NCOA1: variants seen among roughly 807,000 people sequenced by gnomAD.
NCOA1 encodes nuclear receptor coactivator 1.
A neutral mutation model predicts 150.9 loss-of-function variants in NCOA1; 35 were observed. The ratio of observed to expected loss-of-function variants is 0.23; its 90% confidence interval spans 0.18 to 0.31. The LOEUF is 0.31. Ranked by LOEUF, NCOA1 falls within the 10% of genes least tolerant of loss-of-function variation. NCOA1 has a pLI of 1.00. For missense variants in NCOA1, 1,491 were observed against 1,749.3 expected (o/e 0.85, Z 2.63); for synonymous variants, 590 against 630.0 (o/e 0.94, Z 0.95).
intron 1 of NCOA1, among the ~76,000 whole-genome samples, chr2:24,508,325 A>G (rs986638085): frequency 6.6e-6 from 1 of 152,164 alleles, no homozygotes; most frequent in African/African-American, 2.4e-5. Flanking sequence ...AATAGTCTTC[A>G]GAATAAGACT....
intron 1 of NCOA1, among the ~76,000 whole-genome samples, chr2:24,528,163 T>C (rs1227967364): frequency 6.6e-6 from 1 of 152,126 alleles, no homozygotes; most frequent in African/African-American, 2.4e-5. Context: ...GCAGGAGCTT[T>C]TTAGTTTGAT....
rs1292603696 is a variant in NCOA1, at chr2:24,752,101, G to A, written c.3826G>A (p.Gly1276Arg). ...TCTCCAGCAAACTCCACCTGCCTCC[G>A]GGTATCAGTCACCAGACATGAAGGC... ...SLLQQTPPAS[G>R]YQSPDMKAWQ... Residue 1276 changes from glycine to arginine, a missense_variant, in exon 20 of 23, where the codon GGG becomes AGG. Gly to Arg is a moderately radical substitution (Grantham distance 125). Around this residue, in one of 8 missense-constraint regions of NCOA1, gnomAD observed 485 missense variants for 522.8 expected, o/e 0.93. Coordinates refer to ENST00000348332, the MANE Select transcript of NCOA1 (RefSeq NM_003743.5). 11 of 1,613,892 alleles carry A rather than the reference G, an allele frequency of 6.8e-6. No homozygotes were observed. Among genetic ancestry groups the A allele is most frequent in the South Asian group, 3.3e-5 (3 of 91,080 alleles).
At chr2:24,676,824 AT>A (rs1323935980) in intron 7 of NCOA1, among the ~76,000 whole-genome samples, 2 of 152,200 alleles carry the variant, frequency 1.3e-5, no homozygotes, top group African/African-American at 2.4e-5. Flanking sequence ...TACAAGAAAA[AT>A]TTCATAATTG....
chr2:24,546,840 C>G (rs1309569583), intron 1 of NCOA1, among the ~76,000 whole-genome samples: 3 of 152,228 alleles, frequency 2.0e-5, no homozygotes, highest in Non-Finnish European at 4.4e-5. Context: ...TATGCCTCCA[C>G]ATGGCATCTC....
intron 3 of NCOA1, among the ~76,000 whole-genome samples, chr2:24,616,146 G>A (rs1240760265): frequency 6.6e-6 from 1 of 151,742 alleles, no homozygotes; most frequent in African/African-American, 2.4e-5. Context: ...ATTAGAGGAA[G>A]AGAGAAGAGA....
chr2:24,743,675 T>C, intron 19 of NCOA1, among the ~76,000 whole-genome samples: 1 of 152,330 alleles, frequency 6.6e-6, no homozygotes, highest in African/African-American at 2.4e-5. Context: ...GTGGAAGTAC[T>C]TCCTCCAACA....
intron 1 of NCOA1, among the ~76,000 whole-genome samples, chr2:24,543,872 G>A (rs1170705082): frequency 6.6e-6 from 1 of 152,186 alleles, no homozygotes; most frequent in African/African-American, 2.4e-5. Flanking sequence ...ATAATGAAAA[G>A]TGATATGATC....
At chr2:24,549,392 G>A (rs746267504) in intron 1 of NCOA1, among the ~76,000 whole-genome samples, 1 of 152,118 alleles carries the variant, frequency 6.6e-6, no homozygotes, top group Non-Finnish European at 1.5e-5. Flanking sequence ...GATGGGAGGG[G>A]CTGCCACAAA....
intron 7 of NCOA1, among the ~76,000 whole-genome samples, chr2:24,680,755 T>C (rs1488872972): frequency 6.6e-6 from 1 of 152,162 alleles, no homozygotes; most frequent in African/African-American, 2.4e-5. Flanking sequence ...GATAAGTATA[T>C]GAGGTAGTGC....
intron 3 of NCOA1, among the ~76,000 whole-genome samples, chr2:24,628,303 A>G (rs1286448083): frequency 6.1e-5 from 1 of 16,372 alleles, no homozygotes; most frequent in Non-Finnish European, 5.1e-4. Context: ...TCCATCTCAG[A>G]AAAAAAAAAA....
intron 8 of NCOA1, among the ~76,000 whole-genome samples, chr2:24,690,783 A>T (rs1345353157): frequency 6.6e-6 from 1 of 151,592 alleles, no homozygotes; most frequent in Non-Finnish European, 1.5e-5. Context: ...CTTGAAATAG[A>T]TACCTTTTCA....
At chr2:24,508,598 AATTTGTAG>A (rs1406180822) in intron 1 of NCOA1, among the ~76,000 whole-genome samples, 1 of 152,050 alleles carries the variant, frequency 6.6e-6, no homozygotes, top group African/African-American at 2.4e-5. Flanking sequence ...TCTTTTTTAA[AATTTGTAG>A]ATTCCCTCTT....
In NCOA1 at chr2:24,582,659, G is replaced by A. The variant is rs555951611; in HGVS notation, c.-259-1817G>A. Among the ~76,000 whole-genome samples the A allele has an allele frequency of 6.4e-4, 97 of 152,230 alleles. 2 individuals are homozygous for A. The South Asian group carries it at 0.017, about 27-fold the overall frequency. On this transcript the variant is annotated intron_variant, in intron 2 of 22. Transcript: ENST00000348332. ...CCCCAAATAGGCAAAGAATTCCTGA[G>A]GGGTGGGAGAGGACCTTGGAGGCAT...
At chr2:24,501,144 A>T (rs1663443903) in intron 1 of NCOA1, among the ~76,000 whole-genome samples, 1 of 152,250 alleles carries the variant, frequency 6.6e-6, no homozygotes, top group Admixed American at 6.5e-5. Context: ...GCTGAATTTT[A>T]GCAAAAACCT....
At chr2:24,622,033 A>G (rs1462934138) in intron 3 of NCOA1, among the ~76,000 whole-genome samples, 1 of 152,210 alleles carries the variant, frequency 6.6e-6, no homozygotes, top group Non-Finnish European at 1.5e-5. Context: ...GACACTCCTG[A>G]GAAATCAGGC....
chr2:24,612,926 T>G (rs1430678478), intron 3 of NCOA1, among the ~76,000 whole-genome samples: 2 of 152,142 alleles, frequency 1.3e-5, no homozygotes, highest in Non-Finnish European at 2.9e-5. Flanking sequence ...GGAGAGCTAG[T>G]GTGATTATTG....
chr2:24,650,544 C>T (rs1024263869), intron 4 of NCOA1, among the ~76,000 whole-genome samples: 33 of 152,078 alleles, frequency 2.2e-4, no homozygotes, highest in African/African-American at 7.7e-4. Context: ...TCTAATACCC[C>T]GAATGTAAAG....
At chr2:24,510,437 C>T (rs1392852038) in intron 1 of NCOA1, among the ~76,000 whole-genome samples, 11 of 152,148 alleles carry the variant, frequency 7.2e-5, no homozygotes, top group African/African-American at 2.2e-4. Flanking sequence ...GCCTCAAACT[C>T]CTGGGCTCAA....
chr2:24,614,196 A>ATTTTTTTTTTTTTTTTTT (rs1558840251), intron 3 of NCOA1, among the ~76,000 whole-genome samples: 1 of 13,160 alleles, frequency 7.6e-5, no homozygotes, highest in East Asian at 1.8e-3. Context: ...ATTCATTTCC[A>ATTTTTTTTTTTTTTTTTT]TTCTTTTTTT....
Sources: gnomAD v4.1 joint callset for allele counts (sites outside exome capture counted in the v4.1 genomes callset) on GRCh38, gnomAD v4.1.1 for gene constraint, gnomAD v4.1.1 regional missense constraint, MANE v1.5 for transcripts, NCBI Gene and HGNC (gene_info 2026-07-23, HGNC 2026-07-21) for gene names.